Variants in TDRD7 observed in about 807,000 individuals in gnomAD.
The protein encoded by TDRD7 is tudor domain containing 7, also known as tudor domain-containing protein 7.
TDRD7 carries 47 observed loss-of-function variants against 109.8 expected under a neutral mutation model. That is an observed-to-expected ratio of 0.43 (90% CI 0.34 to 0.55). The LOEUF (loss-of-function observed/expected upper bound fraction) is 0.55, where lower values mean the gene tolerates loss of function less well. Among genes scored for constraint, TDRD7 ranks in the 20% least tolerant of loss-of-function variants. TDRD7 has a pLI of 0.03. For synonymous variants in TDRD7, 424 were observed against 457.3 expected, an observed-to-expected ratio of 0.93 and a Z score of 0.93; for missense variants, 1,164 against 1,319.2, an observed-to-expected ratio of 0.88 and a Z score of 1.82.
At chr9:97,467,369 G>T (rs1828838308) in intron 8 of TDRD7, among the ~76,000 whole-genome samples, 2 of 152,190 alleles carry the variant, frequency 1.3e-5, no homozygotes. Flanking sequence ...CTTCTACTTT[G>T]GGAATTCAGG....
At chr9:97,421,863 T>A (rs1250040825) in intron 1 of TDRD7, among the ~76,000 whole-genome samples, 1 of 152,006 alleles carries the variant, frequency 6.6e-6, no homozygotes, top group African/African-American at 2.4e-5. Context: ...GCCCAGCCAA[T>A]TTTTTCTTCT....
chr9:97,474,383 C>T (rs1245191999), intron 11 of TDRD7, among the ~76,000 whole-genome samples: 2 of 152,158 alleles, frequency 1.3e-5, no homozygotes, highest in East Asian at 3.9e-4. Context: ...ACATCAGGCA[C>T]CTCAGGGCAT....
intron 2 of TDRD7, among the ~76,000 whole-genome samples, chr9:97,429,666 C>T (rs112268849): frequency 1.3e-5 from 2 of 152,204 alleles, no homozygotes; most frequent in East Asian, 1.9e-4. Context: ...CATCCCTGAT[C>T]GTTCCAGACA....
At chr9:97,441,124 T>G (rs188773012) in intron 5 of TDRD7, among the ~76,000 whole-genome samples, 1 of 152,310 alleles carries the variant, frequency 6.6e-6, no homozygotes, top group Admixed American at 6.5e-5. Flanking sequence ...TTTTGTGTGT[T>G]GCTAAATTAT....
intron 13 of TDRD7, among the ~76,000 whole-genome samples, chr9:97,480,112 G>T (rs1829090328): frequency 1.3e-5 from 2 of 152,216 alleles, no homozygotes; most frequent in African/African-American, 4.8e-5. Context: ...AGGAATCCTG[G>T]AACTGGGTTT....
At position 97,412,638 on chromosome 9, in the gene TDRD7, C is replaced by T. The variant is rs1213291578; in HGVS notation, c.-7+400C>T. 6.6e-6 allele frequency among the ~76,000 whole-genome samples: 1 copy of T among 152,208 alleles called. No individual in the cohort carries two copies. The highest frequency in any genetic ancestry group is 1.5e-5 in the Non-Finnish European group (1 of 68,022). On this transcript the variant is annotated intron_variant, in intron 1 of 16. Transcript: ENST00000355295. The surrounding 1 kb of genome is among the most constrained non-coding windows in gnomAD (Gnocchi z 4.3). Reference sequence around the variant, plus strand: ...CGCTACCGGCGCGACAGGCCGCAGCCGCCGCCCCCAGCGAGGGATGTCCGC... The same window carrying T: ...CGCTACCGGCGCGACAGGCCGCAGCTGCCGCCCCCAGCGAGGGATGTCCGC...
At position 97,480,829 on chromosome 9, in the gene TDRD7, C is replaced by T; in HGVS notation, c.2303C>T (p.Ala768Val). The change falls in exon 14 of 17, where the codon GCC becomes GTC. Residue 768 changes from alanine to valine, a missense_variant and splice_region_variant. By Grantham distance (64) the Ala-to-Val change is moderately conservative (BLOSUM62 0). Coordinates refer to ENST00000355295, the MANE Select transcript of TDRD7 (RefSeq NM_014290.3). ...LQEMIAIPPQAIKCCLADLPQ... is the reference protein window; with the variant it reads ...LQEMIAIPPQVIKCCLADLPQ... ...TTTTCCATCATATTTTCTTTTCAGG[C>T]CATTAAGTGCTGTTTAGCAGATCTT... The T allele has an allele frequency of 6.2e-7, 1 of 1,612,960 alleles. No homozygotes were observed. The highest frequency in any genetic ancestry group is 8.5e-7 in the Non-Finnish European group (1 of 1,178,992).
At chr9:97,468,363 G>A (rs758043431) in intron 8 of TDRD7, among the ~76,000 whole-genome samples, 2 of 152,218 alleles carry the variant, frequency 1.3e-5, no homozygotes, top group Non-Finnish European at 2.9e-5. Flanking sequence ...AAAAGAAAGC[G>A]TCTCATAAAG....
At position 97,432,239 on chromosome 9, in the gene TDRD7, G is replaced by A. The variant is rs767866167; in HGVS notation, c.563+1G>A. On this transcript the variant is annotated splice_donor_variant, in intron 4 of 16. Transcript: ENST00000355295. LOFTEE classifies it high-confidence loss of function. ...ATGTGACCATGTCCACCAACAACAG[G>A]TATTTGGCCTCTGACTCACAGAAGT... The A allele has an allele frequency of 1.2e-6, 2 of 1,613,386 alleles. No homozygotes were observed. The highest frequency in any genetic ancestry group is 1.7e-6 in the Non-Finnish European group (2 of 1,179,476).
At chr9:97,427,359 C>T (rs1828016097) in intron 1 of TDRD7, among the ~76,000 whole-genome samples, 1 of 152,066 alleles carries the variant, frequency 6.6e-6, no homozygotes, top group Non-Finnish European at 1.5e-5. Context: ...TCTTCCATCT[C>T]TCTAGTCCCT....
intron 16 of TDRD7, among the ~76,000 whole-genome samples, chr9:97,495,149 A>G (rs1472386592): frequency 2.6e-5 from 4 of 152,224 alleles, no homozygotes; most frequent in Non-Finnish European, 4.4e-5. Flanking sequence ...ACCACCCGAT[A>G]GAGGAAAAGC....
At chr9:97,455,784 C>T (rs1828596278) in intron 6 of TDRD7, among the ~76,000 whole-genome samples, 1 of 152,210 alleles carries the variant, frequency 6.6e-6, no homozygotes. Context: ...TGCCCTCTCT[C>T]ACCACTCCTA....
Position 97,472,439 on chromosome 9 carries a change from A to G in TDRD7, c.1888A>G (p.Ile630Val). ...TACCTCAGGAGAAGATGATATCAAT[A>G]TCAATGCCACCTGCTTGAAGGCTAT... ...YDTSGEDDIN[I>V]NATCLKAICD... Residue 630 changes from isoleucine to valine, a missense_variant, in exon 10 of 17, where the codon ATC becomes GTC. By Grantham distance (29) the Ile-to-Val change is conservative. This residue lies in a region of TDRD7 where 261 missense variants were observed against 336.2 expected (regional missense o/e 0.78). Transcript: ENST00000355295. The G allele has an allele frequency of 6.2e-7, 1 of 1,614,000 alleles. No individual in the cohort carries two copies. Among genetic ancestry groups the G allele is most frequent in the Non-Finnish European group, 8.5e-7 (1 of 1,179,910 alleles).
chr9:97,486,910 T>C (rs372774231), intron 15 of TDRD7, among the ~76,000 whole-genome samples: 3 of 152,364 alleles, frequency 2.0e-5, no homozygotes, highest in African/African-American at 7.2e-5. Flanking sequence ...TATATGTCTC[T>C]TTCCTTCACT....
rs1418285365 is a variant in TDRD7 at position 97,483,359 on chromosome 9, C to T, written c.2915+8C>T. On this transcript the variant is annotated splice_region_variant and intron_variant, in intron 15 of 16. Coordinates refer to ENST00000355295, the MANE Select transcript of TDRD7 (RefSeq NM_014290.3). ...TGCAAAAGTGGAAAATAAGTAGGTCCTTGGACAAAGCATTTTATTCTACTC... is the reference window on the plus strand; with the variant it reads ...TGCAAAAGTGGAAAATAAGTAGGTCTTTGGACAAAGCATTTTATTCTACTC... 6.2e-7 allele frequency: 1 copy of T among 1,612,790 alleles called. No individual in the cohort carries two copies. The highest frequency in any genetic ancestry group is 1.1e-5 in the South Asian group (1 of 91,074).
At chr9:97,486,557 T>G (rs574570163) in intron 15 of TDRD7, among the ~76,000 whole-genome samples, 4 of 152,280 alleles carry the variant, frequency 2.6e-5, no homozygotes, top group Admixed American at 6.5e-5. Context: ...TAATTAAAAT[T>G]GCAAACTTTT....
intron 6 of TDRD7, among the ~76,000 whole-genome samples, chr9:97,449,276 C>T (rs1024019500): frequency 6.6e-6 from 1 of 152,154 alleles, no homozygotes; most frequent in Admixed American, 6.6e-5. Flanking sequence ...GCTGGGTGCC[C>T]TCTAATTTAA....
chr9:97,432,419 C>G (rs1376604526), intron 4 of TDRD7, among the ~76,000 whole-genome samples, 181 bp downstream of exon 4: 2 of 152,224 alleles, frequency 1.3e-5, no homozygotes, highest in African/African-American at 4.8e-5. Context: ...AAGTGCATCT[C>G]TATTCTATAT....
intron 6 of TDRD7, among the ~76,000 whole-genome samples, chr9:97,443,074 A>G (rs1828339547): frequency 6.6e-6 from 1 of 152,196 alleles, no homozygotes; most frequent in Admixed American, 6.5e-5. Context: ...CTGGGATTAC[A>G]GGCATGAGCC....
Sources: allele counts gnomAD v4.1 joint callset (sites outside exome capture counted in the v4.1 genomes callset), GRCh38; gene constraint gnomAD v4.1.1; regional missense constraint gnomAD v4.1.1; non-coding constraint Gnocchi (gnomAD v3.1); transcripts MANE v1.5; gene names NCBI Gene and HGNC (gene_info 2026-07-23, HGNC 2026-07-21).